UBE2E2: variants seen among roughly 807,000 people sequenced by gnomAD.
The protein encoded by UBE2E2 is ubiquitin conjugating enzyme E2 E2.
In UBE2E2, 6 loss-of-function variants were observed where a neutral mutation model predicts 24.7. That is an observed-to-expected ratio of 0.24 (90% CI 0.13 to 0.48). The LOEUF (loss-of-function observed/expected upper bound fraction) is 0.48. Among genes scored for constraint, UBE2E2 ranks in the 20% least tolerant of loss-of-function variants. The pLI, the probability that UBE2E2 is intolerant of heterozygous loss-of-function variation, is 0.99. For synonymous variants in UBE2E2, 104 were observed against 83.6 expected (o/e 1.24, Z -1.33); for missense variants, 169 against 245.0 (o/e 0.69, Z 2.07).
chr3:23,347,110 T>C (rs552389927), intron 3 of UBE2E2, among the ~76,000 whole-genome samples: 1 of 152,230 alleles, frequency 6.6e-6, no homozygotes, highest in Non-Finnish European at 1.5e-5. Flanking sequence ...CCATAGGGAC[T>C]GTAAACTAGT....
intron 3 of UBE2E2, among the ~76,000 whole-genome samples, chr3:23,245,335 A>G (rs9868679): frequency 0.015 from 2,270 of 152,276 alleles, 52 homozygotes; most frequent in African/African-American, 0.049. Context: ...TCATATTCTC[A>G]TTTATTTAAA....
Position 23,295,978 on chromosome 3 carries a change from A to G in UBE2E2, c.227+78666A>G, listed in dbSNP as rs556402139. ...TAAATAAACATGACCATAGGCCTCTAATATGTGGCCTCTGCTCTGAATCTT... is the reference window on the plus strand; with the variant it reads ...TAAATAAACATGACCATAGGCCTCTGATATGTGGCCTCTGCTCTGAATCTT... On this transcript the variant is annotated intron_variant, in intron 3 of 5. Transcript: ENST00000396703. 2.8e-4 allele frequency among the ~76,000 whole-genome samples: 42 copies of G among 152,334 alleles called. No individual in the cohort carries two copies. The South Asian group carries it at 8.3e-3, about 30-fold the overall frequency.
intron 4 of UBE2E2, among the ~76,000 whole-genome samples, chr3:23,503,611 T>C (rs1207326217): frequency 3.3e-5 from 5 of 152,068 alleles, no homozygotes; most frequent in African/African-American, 9.6e-5. Context: ...CCCAGCACTT[T>C]GGGAGGCTGA....
chr3:23,349,092 T>A (rs140762617), intron 3 of UBE2E2, among the ~76,000 whole-genome samples: 36 of 152,220 alleles, frequency 2.4e-4, no homozygotes, highest in African/African-American at 7.9e-4. Context: ...CTATGCAGAT[T>A]TCTTGTGAAC....
chr3:23,296,972 T>A (rs1417422567), intron 3 of UBE2E2, among the ~76,000 whole-genome samples: 1 of 152,204 alleles, frequency 6.6e-6, no homozygotes, highest in African/African-American at 2.4e-5. Flanking sequence ...CAGCACCTGT[T>A]GTTTCCTGAC....
At chr3:23,341,031 A>G (rs1695373240) in intron 3 of UBE2E2, among the ~76,000 whole-genome samples, 1 of 152,200 alleles carries the variant, frequency 6.6e-6, no homozygotes. Context: ...CACAAAAATG[A>G]TGAATGTTTC....
intron 5 of UBE2E2, among the ~76,000 whole-genome samples, chr3:23,544,413 A>G (rs951213389): frequency 1.4e-4 from 22 of 152,332 alleles, no homozygotes; most frequent in African/African-American, 5.3e-4. Context: ...ATTTCTCAAA[A>G]GAAGATATAC....
intron 3 of UBE2E2, among the ~76,000 whole-genome samples, chr3:23,233,917 T>C (rs980005944): frequency 1.3e-5 from 2 of 152,146 alleles, no homozygotes. Flanking sequence ...AAATTCAGGG[T>C]TTAAATAGCT....
At chr3:23,272,546 G>A (rs943799435) in intron 3 of UBE2E2, among the ~76,000 whole-genome samples, 2 of 152,220 alleles carry the variant, frequency 1.3e-5, no homozygotes, top group Admixed American at 6.5e-5. Flanking sequence ...CCGCCAGCAC[G>A]TTGTCACCTC....
chr3:23,475,923 C>T (rs191121231), intron 3 of UBE2E2, among the ~76,000 whole-genome samples: 75 of 152,178 alleles, frequency 4.9e-4, no homozygotes, highest in Admixed American at 6.5e-4. Flanking sequence ...ACACTAAAGA[C>T]AGCTAGTAAA....
chr3:23,416,912 G>T (rs1400164328), intron 3 of UBE2E2, among the ~76,000 whole-genome samples: 1 of 152,104 alleles, frequency 6.6e-6, no homozygotes, highest in Admixed American at 6.5e-5. Flanking sequence ...GGTCATTTAT[G>T]TTCTTCTCTA....
intron 3 of UBE2E2, among the ~76,000 whole-genome samples, chr3:23,223,786 T>G (rs1696733515): frequency 6.6e-6 from 1 of 152,150 alleles, no homozygotes; most frequent in South Asian, 2.1e-4. Context: ...GGTCTTAGAT[T>G]CAAGTCTTTA....
At chr3:23,298,012 A>G in intron 3 of UBE2E2, among the ~76,000 whole-genome samples, 1 of 151,630 alleles carries the variant, frequency 6.6e-6, no homozygotes, top group Non-Finnish European at 1.5e-5. Context: ...CATCCCTTGT[A>G]AGTTGGATTC....
intron 3 of UBE2E2, among the ~76,000 whole-genome samples, chr3:23,411,769 CTG>C (rs1022158763): frequency 2.6e-5 from 4 of 152,062 alleles, no homozygotes; most frequent in Admixed American, 6.6e-5. Context: ...GATTGAGAGT[CTG>C]TGAAAATTAA....
intron 3 of UBE2E2, among the ~76,000 whole-genome samples, chr3:23,299,947 G>C (rs1177303349): frequency 6.6e-6 from 1 of 152,086 alleles, no homozygotes; most frequent in African/African-American, 2.4e-5. Flanking sequence ...CTCAGGACTT[G>C]CTTTATGAAT....
chr3:23,560,011 T>C (rs1695883090), intron 5 of UBE2E2, among the ~76,000 whole-genome samples: 1 of 152,128 alleles, frequency 6.6e-6, no homozygotes, highest in Admixed American at 6.6e-5. Context: ...CCACTCTGTA[T>C]CTGTTTATTA....
chr3:23,241,606 T>A (rs1411215198), intron 3 of UBE2E2, among the ~76,000 whole-genome samples: 1 of 152,084 alleles, frequency 6.6e-6, no homozygotes, highest in African/African-American at 2.4e-5. Flanking sequence ...TCGGTGAGGC[T>A]AACCCTGATC....
chr3:23,515,466 T>C (rs1694712097), intron 4 of UBE2E2, among the ~76,000 whole-genome samples: 1 of 151,838 alleles, frequency 6.6e-6, no homozygotes, highest in African/African-American at 2.4e-5. Flanking sequence ...AGAAGATAGG[T>C]TTATCAAGCT....
intron 3 of UBE2E2, among the ~76,000 whole-genome samples, chr3:23,320,290 A>T (rs1694707377): frequency 6.6e-6 from 1 of 152,226 alleles, no homozygotes; most frequent in Non-Finnish European, 1.5e-5. Context: ...GTGCTTAAGC[A>T]GTAGCCCCTG....
Sources: gnomAD v4.1 joint callset for allele counts (sites outside exome capture counted in the v4.1 genomes callset) on GRCh38, gnomAD v4.1.1 for gene constraint, MANE v1.5 for transcripts, NCBI Gene and HGNC (gene_info 2026-07-23, HGNC 2026-07-21) for gene names.